Variants in AEBP2 observed in about 807,000 individuals in gnomAD.
AEBP2 encodes AE binding protein 2.
A neutral mutation model predicts 50.8 loss-of-function variants in AEBP2; 10 were observed. The observed-to-expected ratio is 0.20, with a 90% CI of 0.12 to 0.33. The LOEUF is 0.33. AEBP2 is among the 10% of genes least tolerant of loss of function. The pLI is 1.00. For synonymous variants in AEBP2, 296 were observed against 261.3 expected, an observed-to-expected ratio of 1.13 and a Z score of -1.28; for missense variants, 570 against 688.0, an observed-to-expected ratio of 0.83 and a Z score of 1.92.
chr12:19,485,471 C>G (rs1370319534), intron 3 of AEBP2, among the ~76,000 whole-genome samples: 1 of 151,964 alleles, frequency 6.6e-6, no homozygotes, highest in East Asian at 1.9e-4. Flanking sequence ...CTTTGGGAGG[C>G]TGACACAAGC....
intron 1 of AEBP2, among the ~76,000 whole-genome samples, chr12:19,408,507 C>G (rs548677407): frequency 8.5e-4 from 129 of 151,382 alleles, no homozygotes; most frequent in African/African-American, 3.1e-3. Context: ...CGAGATTGCA[C>G]CACTGCGCTC....
chr12:19,425,045 A>G (rs2095747825), intron 1 of AEBP2, among the ~76,000 whole-genome samples: 1 of 152,114 alleles, frequency 6.6e-6, no homozygotes, highest in African/African-American at 2.4e-5. Context: ...AAAATATAGT[A>G]GCTTAAATAA....
intron 1 of AEBP2, among the ~76,000 whole-genome samples, chr12:19,450,930 A>G (rs951319257): frequency 1.3e-5 from 2 of 150,896 alleles, no homozygotes; most frequent in African/African-American, 4.9e-5. Flanking sequence ...TATTTCAATT[A>G]TTTCTTAAAT....
intron 1 of AEBP2, among the ~76,000 whole-genome samples, chr12:19,412,882 C>T (rs2095740147): frequency 6.6e-6 from 1 of 152,170 alleles, no homozygotes; most frequent in South Asian, 2.1e-4. Flanking sequence ...TCCCCGGGGG[C>T]CCGGTCCCTG....
At chr12:19,498,339 A>G (rs905282357) in intron 4 of AEBP2, among the ~76,000 whole-genome samples, 4 of 151,958 alleles carry the variant, frequency 2.6e-5, no homozygotes, top group Non-Finnish European at 4.4e-5. Flanking sequence ...CTGATTTCTC[A>G]TTGTCACTGC....
chr12:19,508,319 C>T (rs947181999), intron 5 of AEBP2, among the ~76,000 whole-genome samples: 6 of 152,152 alleles, frequency 3.9e-5, no homozygotes, highest in Non-Finnish European at 8.8e-5. Flanking sequence ...CCTCAGCCTC[C>T]CAAAGTGCTG....
At chr12:19,429,312 C>CT (rs1230082750) in intron 1 of AEBP2, among the ~76,000 whole-genome samples, 2 of 152,092 alleles carry the variant, frequency 1.3e-5, no homozygotes, top group Non-Finnish European at 2.9e-5. Flanking sequence ...TGAACTCATC[C>CT]TTTTTTATGG....
chr12:19,414,285 T>G (rs1163316597), intron 1 of AEBP2, among the ~76,000 whole-genome samples: 2 of 152,096 alleles, frequency 1.3e-5, no homozygotes, highest in African/African-American at 4.8e-5. Context: ...GCCCCGTAGG[T>G]TTCAGCCTCA....
chr12:19,437,525 T>C (rs1389983630), upstream of AEBP2, among the ~76,000 whole-genome samples: 1 of 152,102 alleles, frequency 6.6e-6, no homozygotes, highest in Non-Finnish European at 1.5e-5. Flanking sequence ...AGGTGTGCCG[T>C]AGAGACAGGG....
intron 3 of AEBP2, among the ~76,000 whole-genome samples, chr12:19,476,582 T>C (rs1948652086): frequency 6.6e-6 from 1 of 152,188 alleles, no homozygotes; most frequent in African/African-American, 2.4e-5. Flanking sequence ...CCTCAAGTGA[T>C]CCGCCCGCCT....
intron 1 of AEBP2, among the ~76,000 whole-genome samples, chr12:19,462,305 T>G (rs1235972023): frequency 6.6e-6 from 1 of 152,202 alleles, no homozygotes; most frequent in Non-Finnish European, 1.5e-5. Flanking sequence ...GATTTTGAGG[T>G]ACTGTCGTGT....
chr12:19,452,945 A>G (rs1355905563), intron 1 of AEBP2, among the ~76,000 whole-genome samples: 1 of 145,292 alleles, frequency 6.9e-6, no homozygotes. Flanking sequence ...GTGAAAAACT[A>G]TTATAGACTT....
chr12:19,446,975 A>G (rs1300918627), intron 1 of AEBP2, among the ~76,000 whole-genome samples: 1 of 152,168 alleles, frequency 6.6e-6, no homozygotes, highest in Non-Finnish European at 1.5e-5. Flanking sequence ...CGTGTTGTAT[A>G]GTTAGTGACT....
At chr12:19,427,716 T>G in intron 1 of AEBP2, among the ~76,000 whole-genome samples, 1 of 152,052 alleles carries the variant, frequency 6.6e-6, no homozygotes, top group East Asian at 1.9e-4. Context: ...TTAGAACACC[T>G]AAGAGTCTGT....
chr12:19,406,055 C>G (rs2153362671), intron 1 of AEBP2, among the ~76,000 whole-genome samples: 1 of 151,770 alleles, frequency 6.6e-6, no homozygotes, highest in East Asian at 2.0e-4. Context: ...CAACCTCTGC[C>G]TCCCGAGTCA....
intron 1 of AEBP2, among the ~76,000 whole-genome samples, chr12:19,457,929 A>G (rs182731041): frequency 6.6e-6 from 1 of 152,322 alleles, no homozygotes; most frequent in Admixed American, 6.5e-5. Flanking sequence ...AGCTATCTGC[A>G]TAGTGTGAGT....
upstream of AEBP2, among the ~76,000 whole-genome samples, chr12:19,437,087 G>C (rs1947867680): frequency 6.6e-6 from 1 of 152,222 alleles, no homozygotes; most frequent in Admixed American, 6.5e-5. Flanking sequence ...CTCATTTGAA[G>C]ACTCTCATTC....
At chr12:19,490,992 ATAT>A in intron 3 of AEBP2, among the ~76,000 whole-genome samples, 1 of 152,318 alleles carries the variant, frequency 6.6e-6, no homozygotes, top group Middle Eastern at 3.4e-3. Context: ...TTAATGAATA[ATAT>A]TAATTTAAAT....
intron 1 of AEBP2, chr12:19,457,274 C>T: frequency 1.3e-6 from 2 of 1,581,052 alleles, no homozygotes; most frequent in South Asian, 2.2e-5. Context: ...TCAAATTCAC[C>T]AACACTGGCA....
Sources: allele counts gnomAD v4.1 joint callset (sites outside exome capture counted in the v4.1 genomes callset), GRCh38; gene constraint gnomAD v4.1.1; transcripts MANE v1.5; gene names NCBI Gene and HGNC (gene_info 2026-07-23, HGNC 2026-07-21).